UBE2E2: variants seen among roughly 807,000 people sequenced by gnomAD.
The protein encoded by UBE2E2 is ubiquitin-conjugating enzyme E2 E2.
UBE2E2 carries 6 observed loss-of-function variants against 24.7 expected under a neutral mutation model. That is an observed-to-expected ratio of 0.24 (90% CI 0.13 to 0.48). The LOEUF (loss-of-function observed/expected upper bound fraction) is 0.48. Ranked by LOEUF, UBE2E2 falls within the 20% of genes least tolerant of loss-of-function variation. The pLI is 0.99. For missense variants in UBE2E2, 169 were observed against 245.0 expected (o/e 0.69, Z 2.07); for synonymous variants, 104 against 83.6 (o/e 1.24, Z -1.33).
intron 3 of UBE2E2, among the ~76,000 whole-genome samples, chr3:23,318,188 A>G (rs1694637009): frequency 6.6e-6 from 1 of 152,072 alleles, no homozygotes; most frequent in African/African-American, 2.4e-5. Context: ...AATGAATGAC[A>G]GGGTCTTGCT....
intron 3 of UBE2E2, among the ~76,000 whole-genome samples, chr3:23,256,562 CAATG>C (rs1278055125): frequency 6.6e-6 from 1 of 152,012 alleles, no homozygotes; most frequent in Non-Finnish European, 1.5e-5. Flanking sequence ...TTTTAAAAAG[CAATG>C]AAAGTGATTT....
chr3:23,339,241 G>T (rs1172196917), intron 3 of UBE2E2, among the ~76,000 whole-genome samples: 1 of 152,102 alleles, frequency 6.6e-6, no homozygotes, highest in African/African-American at 2.4e-5. Flanking sequence ...TTTTTAGAAA[G>T]TGTCAAGATT....
intron 3 of UBE2E2, among the ~76,000 whole-genome samples, chr3:23,255,181 T>C (rs1325641787): frequency 7.0e-6 from 1 of 143,636 alleles, no homozygotes; most frequent in Non-Finnish European, 1.5e-5. Context: ...CCTCCCATGC[T>C]CAAGCGACCC....
intron 3 of UBE2E2, among the ~76,000 whole-genome samples, chr3:23,450,292 T>C (rs1038229378): frequency 6.6e-6 from 1 of 152,190 alleles, no homozygotes; most frequent in Non-Finnish European, 1.5e-5. Flanking sequence ...ATGTTCTCTC[T>C]CTGTGCTTCC....
intron 3 of UBE2E2, among the ~76,000 whole-genome samples, chr3:23,317,331 G>A (rs537822964): frequency 6.6e-6 from 1 of 152,312 alleles, no homozygotes; most frequent in Non-Finnish European, 1.5e-5. Context: ...CATCACCTGA[G>A]TTCTGCCCAG....
intron 2 of UBE2E2, among the ~76,000 whole-genome samples, chr3:23,213,845 A>T (rs972307737): frequency 1.3e-5 from 2 of 152,090 alleles, no homozygotes; most frequent in East Asian, 1.9e-4. Flanking sequence ...ACGGTAAAAG[A>T]TCATCATGGG....
chr3:23,481,641 T>C (rs1367965269), intron 3 of UBE2E2, among the ~76,000 whole-genome samples: 1 of 152,222 alleles, frequency 6.6e-6, no homozygotes, highest in East Asian at 1.9e-4. Context: ...AGCTGTGCTT[T>C]ATTATTCAAA....
intron 3 of UBE2E2, among the ~76,000 whole-genome samples, chr3:23,262,956 C>G (rs962984150): frequency 1.3e-5 from 2 of 152,100 alleles, no homozygotes; most frequent in Non-Finnish European, 2.9e-5. Context: ...AGGCAAAAAG[C>G]TCTTCTGGAA....
chr3:23,495,494 GTGTT>G (rs941633415), intron 3 of UBE2E2, among the ~76,000 whole-genome samples: 92 of 152,302 alleles, frequency 6.0e-4, no homozygotes, highest in African/African-American at 2.2e-3. Flanking sequence ...TTTACTAAAT[GTGTT>G]TGTGTATGTT....
chr3:23,313,185 C>A (rs1199848179), intron 3 of UBE2E2, among the ~76,000 whole-genome samples: 1 of 152,008 alleles, frequency 6.6e-6, no homozygotes, highest in Non-Finnish European at 1.5e-5. Flanking sequence ...TATCATCTTG[C>A]TAATTGACCC....
At chr3:23,315,252 A>C (rs1303508464) in intron 3 of UBE2E2, among the ~76,000 whole-genome samples, 1 of 150,786 alleles carries the variant, frequency 6.6e-6, no homozygotes, top group African/African-American at 2.4e-5. Context: ...GCCCACGGGG[A>C]GTACTGCTAG....
Position 23,512,430 on chromosome 3 carries a change from G to A in UBE2E2, c.360+12690G>A, listed in dbSNP as rs183986039. Among the ~76,000 whole-genome samples the A allele has an allele frequency of 3.7e-4, 38 of 103,794 alleles. No homozygotes were observed. The East Asian group carries it at 0.01, about 28-fold the overall frequency. The allele number at this position is 103,794 out of a possible 152,430, so 68.1% of individuals were successfully genotyped here. On this transcript the variant is annotated intron_variant, in intron 4 of 5. Transcript: ENST00000396703. The stretch of plus-strand genomic sequence containing the variant: ...GATTAGGTCTCACTATGTTGTCACG[G>A]GCTGATCTCAAACTCCTGAGCTCAA...
intron 4 of UBE2E2, among the ~76,000 whole-genome samples, chr3:23,517,393 A>G (rs1005131847): frequency 1.3e-5 from 2 of 152,188 alleles, no homozygotes; most frequent in Non-Finnish European, 2.9e-5. Flanking sequence ...AGCTTTACAC[A>G]TCTCTCCATT....
intron 3 of UBE2E2, among the ~76,000 whole-genome samples, chr3:23,325,357 A>G (rs1260612373): frequency 6.6e-6 from 1 of 152,204 alleles, no homozygotes; most frequent in Non-Finnish European, 1.5e-5. Flanking sequence ...TACTAATCTG[A>G]GGCTGGGCTG....
At chr3:23,575,877 A>G (rs1047709623) in intron 5 of UBE2E2, among the ~76,000 whole-genome samples, 2 of 152,220 alleles carry the variant, frequency 1.3e-5, no homozygotes, top group African/African-American at 4.8e-5. Context: ...ATGCTGACTC[A>G]CTATGCAAAG....
intron 4 of UBE2E2, among the ~76,000 whole-genome samples, chr3:23,521,239 A>G (rs1694856957): frequency 6.6e-6 from 1 of 152,198 alleles, no homozygotes; most frequent in South Asian, 2.1e-4. Context: ...TGTGAGACCT[A>G]TAAAAAATGT....
intron 3 of UBE2E2, among the ~76,000 whole-genome samples, chr3:23,418,900 G>T (rs1320699959): frequency 6.6e-6 from 1 of 151,646 alleles, no homozygotes; most frequent in Non-Finnish European, 1.5e-5. Context: ...AAGGATGTTA[G>T]ATTAAATGAC....
chr3:23,524,623 A>T (rs1294526270), intron 4 of UBE2E2, among the ~76,000 whole-genome samples: 1 of 152,180 alleles, frequency 6.6e-6, no homozygotes, highest in East Asian at 1.9e-4. Flanking sequence ...TAAGCCTTAG[A>T]AATAATCTAA....
chr3:23,270,293 T>G (rs1483765819), intron 3 of UBE2E2, among the ~76,000 whole-genome samples: 2 of 152,070 alleles, frequency 1.3e-5, no homozygotes, highest in East Asian at 3.8e-4. Flanking sequence ...TAGTCTACTG[T>G]TCTGTGGTAG....
Sources: gnomAD v4.1 joint callset for allele counts (sites outside exome capture counted in the v4.1 genomes callset) on GRCh38, gnomAD v4.1.1 for gene constraint, MANE v1.5 for transcripts, NCBI Gene and HGNC (gene_info 2026-07-23, HGNC 2026-07-21) for gene names.